Variants in ZPBP observed in about 807,000 individuals in gnomAD.
ZPBP encodes zona pellucida binding protein.
A neutral mutation model predicts 44.8 loss-of-function variants in ZPBP; 26 were observed. That is an observed-to-expected ratio of 0.58 (90% CI 0.43 to 0.81). The LOEUF (loss-of-function observed/expected upper bound fraction) is 0.81. ZPBP is among the 30% of genes least tolerant of loss of function. The pLI is 0.00. For missense variants in ZPBP, 409 were observed against 434.0 expected, an observed-to-expected ratio of 0.94 and a Z score of 0.51; for synonymous variants, 174 against 153.2, an observed-to-expected ratio of 1.14 and a Z score of -1.00.
At chr7:49,963,070 A>G (rs1795920649) in intron 7 of ZPBP, among the ~76,000 whole-genome samples, 2 of 151,774 alleles carry the variant, frequency 1.3e-5, no homozygotes, top group Admixed American at 1.3e-4. Context: ...CAAACAGTTC[A>G]GAGAAGAATA....
intron 2 of ZPBP, among the ~76,000 whole-genome samples, chr7:49,884,005 T>C (rs571845352): frequency 6.6e-6 from 1 of 152,378 alleles, no homozygotes; most frequent in East Asian, 1.9e-4. Context: ...TTAGCACGAC[T>C]GTGGGTGTGG....
intron 6 of ZPBP, among the ~76,000 whole-genome samples, chr7:50,005,648 AG>A (rs1798272854): frequency 6.6e-6 from 1 of 151,944 alleles, no homozygotes; most frequent in African/African-American, 2.4e-5. Context: ...GGAAATGAGA[AG>A]GGAAACAAAG....
At chr7:49,902,996 G>A (rs1202973562) in intron 1 of ZPBP, among the ~76,000 whole-genome samples, 1 of 151,950 alleles carries the variant, frequency 6.6e-6, no homozygotes, top group Non-Finnish European at 1.5e-5. Context: ...GATATAAAAT[G>A]GCAAATAAAC....
intron 7 of ZPBP, among the ~76,000 whole-genome samples, chr7:49,952,274 T>C (rs1372151457): frequency 1.3e-5 from 2 of 151,984 alleles, no homozygotes; most frequent in East Asian, 3.8e-4. Context: ...TGTGGACCAA[T>C]ATAAATTGGT....
intron 2 of ZPBP, among the ~76,000 whole-genome samples, chr7:49,891,666 T>C (rs1583766902): frequency 6.6e-6 from 1 of 152,206 alleles, no homozygotes; most frequent in Non-Finnish European, 1.5e-5. Context: ...CTGGAGTTCT[T>C]ATATACTGAT....
intron 6 of ZPBP, among the ~76,000 whole-genome samples, chr7:50,012,773 A>G (rs964346642): frequency 8.6e-5 from 13 of 150,576 alleles, no homozygotes; most frequent in Non-Finnish European, 1.6e-4. Flanking sequence ...TCAATGTTGT[A>G]CTGTAGATTA....
intron 6 of ZPBP, among the ~76,000 whole-genome samples, chr7:50,009,410 T>C (rs1032038082): frequency 7.9e-5 from 12 of 151,082 alleles, no homozygotes; most frequent in Admixed American, 1.3e-4. Context: ...GATTAAGGCA[T>C]TTGCCCAATG....
At chr7:49,908,039 C>T (rs1473871330) in intron 1 of ZPBP, among the ~76,000 whole-genome samples, 2 of 152,164 alleles carry the variant, frequency 1.3e-5, no homozygotes, top group South Asian at 2.1e-4. Flanking sequence ...GACAGCCTTG[C>T]AGGGCCATTT....
chr7:50,092,991 A>G (rs1803069140), intron 1 of ZPBP, 77 bp downstream of exon 1: 1 of 1,542,706 alleles, frequency 6.5e-7, no homozygotes, highest in Non-Finnish European at 8.7e-7. Flanking sequence ...TGCACGTGAC[A>G]CAAGAAAAGG....
chr7:49,868,926 T>C (rs928768116), intron 2 of ZPBP, among the ~76,000 whole-genome samples: 10 of 152,326 alleles, frequency 6.6e-5, no homozygotes, highest in Admixed American at 5.9e-4. Context: ...GCCTGGGAGA[T>C]CTTTAAAAAT....
rs148983869 is a variant in ZPBP, at chr7:49,858,069, C to T, written n.510-7555G>A. ...TAGTTCTAGATCCCTGAGGAATCAC[C>T]ACACTGACTTCCACAATGGTTGAAC... is the stretch of plus-strand genomic sequence containing the variant. On this transcript the variant is annotated intron_variant and non_coding_transcript_variant, in intron 2 of 2. Coordinates refer to the ZPBP transcript ENST00000465922. Among the ~76,000 whole-genome samples the T allele has an allele frequency of 3.6e-3, 543 of 152,236 alleles. 2 individuals carry two copies. Among genetic ancestry groups the T allele is most frequent in the Middle Eastern group, 0.01 (3 of 294 alleles).
intron 1 of ZPBP, among the ~76,000 whole-genome samples, chr7:49,924,808 G>T (rs917742078): frequency 6.6e-6 from 1 of 152,146 alleles, no homozygotes; most frequent in Non-Finnish European, 1.5e-5. Flanking sequence ...TGGAAAGAAG[G>T]TGGTGGCTGC....
chr7:49,902,988 T>C (rs1421528968), intron 1 of ZPBP, among the ~76,000 whole-genome samples: 2 of 151,926 alleles, frequency 1.3e-5, no homozygotes, highest in Non-Finnish European at 2.9e-5. Context: ...CAGATGAAGA[T>C]ATAAAATGGC....
intron 4 of ZPBP, among the ~76,000 whole-genome samples, chr7:50,052,153 TAC>T (rs1431928050): frequency 6.6e-6 from 1 of 151,882 alleles, no homozygotes; most frequent in Non-Finnish European, 1.5e-5. Context: ...AAAGACAAAA[TAC>T]AGACTGGTAG....
intron 7 of ZPBP, among the ~76,000 whole-genome samples, chr7:49,981,382 A>AT (rs1796897069): frequency 8.2e-5 from 1 of 12,204 alleles, no homozygotes; most frequent in Non-Finnish European, 1.5e-4. Flanking sequence ...TATATTATAT[A>AT]TAATTATATA....
intron 1 of ZPBP, among the ~76,000 whole-genome samples, chr7:49,903,955 T>C (rs1439367282): frequency 1.3e-5 from 2 of 152,142 alleles, no homozygotes; most frequent in Non-Finnish European, 1.5e-5. Flanking sequence ...GCTCACAGAT[T>C]GGTTGGATCA....
chr7:49,840,666 T>G, the ZPBP span, among the ~76,000 whole-genome samples: 2 of 152,198 alleles, frequency 1.3e-5, no homozygotes, highest in African/African-American at 4.8e-5. Context: ...CCCATATTAC[T>G]AAGAAAATTG....
At chr7:49,871,720 T>C (rs1791153408) in intron 2 of ZPBP, among the ~76,000 whole-genome samples, 1 of 151,940 alleles carries the variant, frequency 6.6e-6, no homozygotes, top group Non-Finnish European at 1.5e-5. Flanking sequence ...TTAGATCAGG[T>C]AAGGAAAAAA....
intron 4 of ZPBP, among the ~76,000 whole-genome samples, chr7:50,044,274 C>A (rs1800237087): frequency 6.6e-6 from 1 of 152,006 alleles, no homozygotes; most frequent in Admixed American, 6.6e-5. Flanking sequence ...CAAGAGCAAA[C>A]AAATTCAAAA....
Sources: allele counts gnomAD v4.1 joint callset (sites outside exome capture counted in the v4.1 genomes callset), GRCh38; gene constraint gnomAD v4.1.1; transcripts MANE v1.5; gene names NCBI Gene and HGNC (gene_info 2026-07-23, HGNC 2026-07-21).